The following LAMA4 variants were observed in gnomAD, a reference collection of about 807,000 sequenced individuals.
LAMA4 encodes laminin subunit alpha 4.
LAMA4 carries 127 observed loss-of-function variants against 207.1 expected under a neutral mutation model. The ratio of observed to expected loss-of-function variants is 0.61; its 90% CI spans 0.53 to 0.71. The LOEUF is 0.71. Ranked by LOEUF, LAMA4 falls within the 30% of genes least tolerant of loss-of-function variation. The probability of loss-of-function intolerance (pLI) is 0.00; values close to 1 mark genes in which losing one functional copy is unlikely to be tolerated. For synonymous variants in LAMA4, 761 were observed against 816.0 expected, an observed-to-expected ratio of 0.93 and a Z score of 1.15; for missense variants, 2,093 against 2,246.5, an observed-to-expected ratio of 0.93 and a Z score of 1.38.
intron 2 of LAMA4, among the ~76,000 whole-genome samples, chr6:112,238,685 C>T (rs797044298): frequency 3.9e-5 from 6 of 152,062 alleles, no homozygotes; most frequent in African/African-American, 1.2e-4. Flanking sequence ...CCAGCCTGGG[C>T]GGCAGAGCAA....
chr6:112,196,880 G>A (rs1466554686), intron 5 of LAMA4, among the ~76,000 whole-genome samples: 3 of 152,304 alleles, frequency 2.0e-5, no homozygotes, highest in African/African-American at 4.8e-5. Context: ...ATGCCAGATA[G>A]TGTGCTGAGG....
Position 112,150,419 on chromosome 6 carries a change from GACAA to G in LAMA4, c.2173+88_2173+91del, listed in dbSNP as rs3832396. The G allele has an allele frequency of 0.26, 226,096 of 853,276 alleles. 31,249 individuals carry two copies. Among genetic ancestry groups the G allele is most frequent in the African/African-American group, 0.41 (23,696 of 58,332 alleles). The allele number at this position is 853,276 out of a possible 1,614,324, so 52.9% of individuals were successfully genotyped here. On this transcript the variant is annotated intron_variant, in intron 17 of 38. Coordinates refer to ENST00000230538, the MANE Select transcript of LAMA4 (RefSeq NM_001105206.3). ...AATAACATTTATGTATAAAATCATT[GACAA>G]ACAAAGAATTACCTAATCCTTCCTT...
intron 3 of LAMA4, among the ~76,000 whole-genome samples, chr6:112,214,794 G>A (rs1363877814): frequency 1.3e-5 from 2 of 152,196 alleles, no homozygotes; most frequent in Non-Finnish European, 2.9e-5. Context: ...GGACCTTGGA[G>A]GGAATCACAT....
At chr6:112,168,088 C>T (rs1781493295) in intron 12 of LAMA4, among the ~76,000 whole-genome samples, 1 of 151,560 alleles carries the variant, frequency 6.6e-6, no homozygotes, top group Admixed American at 6.6e-5. Context: ...GTCCCAGCTA[C>T]TCAGGAGGCT....
Position 112,179,945 on chromosome 6 carries a change from C to A in LAMA4, c.1078-1713G>T, listed in dbSNP as rs369529736. On this transcript the variant is annotated intron_variant, in intron 9 of 38. Transcript: ENST00000230538. Reference sequence around the variant, plus strand: ...TTCCAGTCTTCTTCTTGGCTTGTTCCAGTGCTTTCCAGAAAAACAGTATTT... The same window carrying A: ...TTCCAGTCTTCTTCTTGGCTTGTTCAAGTGCTTTCCAGAAAAACAGTATTT... 9 of 532,244 alleles carry A rather than the reference C, an allele frequency of 1.7e-5. No homozygotes were observed. The East Asian group carries it at 3.8e-4, about 23-fold the overall frequency. 33.0% of individuals were successfully genotyped at this position (532,244 alleles called of 1,614,324 possible). A position where few individuals can be genotyped will look rare whatever the true frequency, so the allele number is the denominator to read the frequency against.
intron 2 of LAMA4, among the ~76,000 whole-genome samples, chr6:112,240,186 T>G (rs946978184): frequency 6.6e-6 from 1 of 152,246 alleles, no homozygotes; most frequent in Admixed American, 6.5e-5. Flanking sequence ...TTGTCCTGAT[T>G]GACATACTCT....
intron 2 of LAMA4, 43 bp downstream of exon 2, chr6:112,253,913 G>T (rs782020402): frequency 2.2e-5 from 36 of 1,612,824 alleles, no homozygotes; most frequent in Non-Finnish European, 3.0e-5. Flanking sequence ...GCCCGCGGGG[G>T]CGCAGGTGCC....
At chr6:112,195,093 T>C (rs1554350081) in intron 5 of LAMA4, among the ~76,000 whole-genome samples, 1 of 152,202 alleles carries the variant, frequency 6.6e-6, no homozygotes, top group African/African-American at 2.4e-5. Context: ...TTTCTCTTTC[T>C]CTTCTGCTCC....
At chr6:112,158,435 C>T in intron 14 of LAMA4, 2 of 383,062 alleles carry the variant, frequency 5.2e-6, no homozygotes, top group South Asian at 5.1e-5. Flanking sequence ...ACAGACACCC[C>T]CCTCTTCCCG....
chr6:112,254,917 C>T (rs1048862032), upstream of LAMA4: 3 of 152,228 alleles, frequency 2.0e-5, no homozygotes, highest in African/African-American at 2.4e-5. Context: ...CAAGGTTTCT[C>T]GGGTTTTTTC....
At chr6:112,148,016 A>C (rs1418124796) in intron 18 of LAMA4, 141 bp downstream of exon 18, 7 of 742,910 alleles carry the variant, frequency 9.4e-6, no homozygotes, top group Non-Finnish European at 1.4e-5. Flanking sequence ...ACAGTGCAAA[A>C]GCTTTTCTTT....
intron 13 of LAMA4, among the ~76,000 whole-genome samples, chr6:112,162,730 C>A (rs1384337878): frequency 6.6e-6 from 1 of 152,132 alleles, no homozygotes; most frequent in Non-Finnish European, 1.5e-5. Flanking sequence ...TGAGTTCTGA[C>A]TTGAAAATGT....
intron 2 of LAMA4, among the ~76,000 whole-genome samples, chr6:112,235,489 G>A (rs782677897): frequency 3.9e-5 from 6 of 152,082 alleles, no homozygotes; most frequent in Non-Finnish European, 5.9e-5. Context: ...TGCTATCAAC[G>A]TTTCATTTTC....
intron 5 of LAMA4, among the ~76,000 whole-genome samples, chr6:112,193,612 C>T (rs1418517612): frequency 1.3e-5 from 2 of 152,118 alleles, no homozygotes; most frequent in African/African-American, 2.4e-5. Flanking sequence ...TCTTTAAACT[C>T]TTTACCTGCA....
chr6:112,238,516 C>A (rs754557927), intron 2 of LAMA4, among the ~76,000 whole-genome samples: 118 of 152,106 alleles, frequency 7.8e-4, no homozygotes, highest in Non-Finnish European at 1.4e-3. Flanking sequence ...TCGAGACCAG[C>A]CTGGCCAACA....
At chr6:112,229,544 G>A (rs1405874741) in intron 2 of LAMA4, among the ~76,000 whole-genome samples, 1 of 152,144 alleles carries the variant, frequency 6.6e-6, no homozygotes, top group African/African-American at 2.4e-5. Context: ...TTCATTTAGT[G>A]GTGACAACAA....
At chr6:112,120,500 A>C in intron 32 of LAMA4, 28 bp from the exon 33 acceptor site, 1 of 1,546,702 alleles carries the variant, frequency 6.5e-7, no homozygotes, top group Non-Finnish European at 8.9e-7. Context: ...AGGGATTACC[A>C]TATGTAAAAT....
At position 112,119,138 on chromosome 6, in the gene LAMA4, T is replaced by G; in HGVS notation, c.4821+18A>C. ...GGCTCTAATGGTCAATGGCTCTACC[T>G]GGTCATGCCTGGCTTACCTGAACAT... On this transcript the variant is annotated intron_variant, in intron 34 of 38. Coordinates refer to ENST00000230538, the MANE Select transcript of LAMA4 (RefSeq NM_001105206.3). 6.2e-7 allele frequency: 1 copy of G among 1,613,352 alleles called. No individual in the cohort carries two copies. Among genetic ancestry groups the G allele is most frequent in the Non-Finnish European group, 8.5e-7 (1 of 1,179,602 alleles).
chr6:112,177,706 A>G (rs1349692372), intron 10 of LAMA4, among the ~76,000 whole-genome samples: 1 of 152,214 alleles, frequency 6.6e-6, no homozygotes, highest in Non-Finnish European at 1.5e-5. Context: ...AAAGCCCATC[A>G]TAGAAAGAGC....
Sources: gnomAD v4.1 joint callset for allele counts (sites outside exome capture counted in the v4.1 genomes callset) on GRCh38, gnomAD v4.1.1 for gene constraint, MANE v1.5 for transcripts, NCBI Gene and HGNC (gene_info 2026-07-23, HGNC 2026-07-21) for gene names.